Variants in NRG3 observed in about 807,000 individuals in gnomAD.
NRG3 encodes the protein neuregulin 3, also known as pro-neuregulin-3, membrane-bound isoform.
NRG3 carries 31 observed loss-of-function variants against 66.9 expected under a neutral mutation model. The observed-to-expected ratio is 0.46, with a 90% CI of 0.35 to 0.63. NRG3 has a LOEUF of 0.63. NRG3 is among the 20% of genes least tolerant of loss of function. The pLI is 0.00. For missense variants in NRG3, 910 were observed against 878.9 expected (o/e 1.04, Z -0.45); for synonymous variants, 393 against 359.4 (o/e 1.09, Z -1.06).
At position 82,845,235 on chromosome 10, in the gene NRG3, C is replaced by T. The variant is rs149683521; in HGVS notation, c.1028-20176C>T. On this transcript the variant is annotated intron_variant, in intron 3 of 8. Coordinates refer to ENST00000372141, the MANE Select transcript of NRG3 (RefSeq NM_001010848.4). The stretch of plus-strand genomic sequence containing the variant: ...ACTTCTATACATGCCAGTAGTGGTG[C>T]CTCATACAGGACTTGGCTTACTGAA... 2.5e-3 allele frequency among the ~76,000 whole-genome samples: 378 copies of T among 152,294 alleles called. 5 individuals are homozygous for T. Among genetic ancestry groups the T allele is most frequent in the African/African-American group, 8.4e-3 (351 of 41,572 alleles).
At chr10:82,808,498 TA>T (rs1347030148) in intron 3 of NRG3, among the ~76,000 whole-genome samples, 4 of 152,192 alleles carry the variant, frequency 2.6e-5, no homozygotes, top group Admixed American at 6.5e-5. Context: ...AATTTTGAGA[TA>T]TTTTTATGAT....
intron 1 of NRG3, among the ~76,000 whole-genome samples, chr10:82,103,001 C>T (rs1007777345): frequency 4.6e-5 from 7 of 152,000 alleles, no homozygotes; most frequent in Admixed American, 2.6e-4. Context: ...GAAGTACTTC[C>T]GTCAGCATTT....
intron 3 of NRG3, among the ~76,000 whole-genome samples, chr10:82,821,112 T>C (rs1168256078): frequency 2.0e-5 from 3 of 152,206 alleles, no homozygotes; most frequent in Non-Finnish European, 4.4e-5. Context: ...TGACCTTGTT[T>C]TATTTCAAGC....
chr10:82,023,196 T>C (rs564447239), intron 1 of NRG3, among the ~76,000 whole-genome samples: 1 of 152,058 alleles, frequency 6.6e-6, no homozygotes, highest in Non-Finnish European at 1.5e-5. Flanking sequence ...ATACTGATTT[T>C]TGCATGTTGA....
At chr10:82,623,672 A>G (rs1413391579) in intron 2 of NRG3, among the ~76,000 whole-genome samples, 1 of 152,196 alleles carries the variant, frequency 6.6e-6, no homozygotes, top group Non-Finnish European at 1.5e-5. Flanking sequence ...GAGGAGACAG[A>G]AATGTGCAAT....
chr10:81,998,137 A>G (rs1033398287), intron 1 of NRG3, among the ~76,000 whole-genome samples: 1 of 152,078 alleles, frequency 6.6e-6, no homozygotes. Flanking sequence ...TTGCAAGGAT[A>G]TTTTCAGTGT....
chr10:81,898,644 T>C (rs190800650), intron 1 of NRG3, among the ~76,000 whole-genome samples: 4 of 152,324 alleles, frequency 2.6e-5, no homozygotes, highest in Admixed American at 2.6e-4. Flanking sequence ...TCTTTGACCA[T>C]TAATTCCACT....
chr10:82,615,885 C>G (rs916140833), intron 2 of NRG3, among the ~76,000 whole-genome samples: 6 of 152,102 alleles, frequency 3.9e-5, no homozygotes, highest in African/African-American at 1.4e-4. Context: ...TGCTGATTAC[C>G]TGACCTTTTC....
intron 2 of NRG3, among the ~76,000 whole-genome samples, chr10:82,393,378 C>T (rs1363954504): frequency 6.6e-6 from 1 of 152,068 alleles, no homozygotes; most frequent in Non-Finnish European, 1.5e-5. Context: ...AGGAAGGAGC[C>T]CTGTGGGAAA....
At chr10:82,307,670 T>G (rs940494373) in intron 1 of NRG3, among the ~76,000 whole-genome samples, 2 of 152,106 alleles carry the variant, frequency 1.3e-5, no homozygotes, top group South Asian at 4.1e-4. Context: ...AACATTTTCT[T>G]ATTAAAATAT....
intron 1 of NRG3, among the ~76,000 whole-genome samples, chr10:82,004,955 C>G (rs1035370151): frequency 6.6e-6 from 1 of 152,204 alleles, no homozygotes; most frequent in African/African-American, 2.4e-5. Context: ...TGTTTTCTTA[C>G]GGCAGCCCTA....
At chr10:82,620,380 C>A (rs746275453) in intron 2 of NRG3, among the ~76,000 whole-genome samples, 7 of 152,030 alleles carry the variant, frequency 4.6e-5, no homozygotes, top group Non-Finnish European at 8.8e-5. Context: ...TTTTATTCAG[C>A]GAAGGAAATG....
intron 2 of NRG3, among the ~76,000 whole-genome samples, chr10:82,389,108 T>C (rs1284214720): frequency 6.6e-6 from 1 of 152,140 alleles, no homozygotes; most frequent in African/African-American, 2.4e-5. Flanking sequence ...TTCACCCCCC[T>C]AACCACAAAG....
In NRG3 at chr10:82,120,054, C is replaced by T. The variant is rs546095151; in HGVS notation, c.824-238685C>T. Among the ~76,000 whole-genome samples the T allele has an allele frequency of 7.9e-5, 12 of 152,014 alleles. 1 individual carries two copies. In the East Asian group the frequency reaches 1.2e-3, roughly 15 times the overall value. On this transcript the variant is annotated intron_variant, in intron 1 of 8. Transcript: ENST00000372141. Reference sequence around the variant, plus strand: ...AATGAAGAATTTTAATGTAAATGAACGTATTATTTTAAAGAAAGATGGATT... The same window carrying T: ...AATGAAGAATTTTAATGTAAATGAATGTATTATTTTAAAGAAAGATGGATT...
chr10:82,264,065 C>G (rs574070240), intron 1 of NRG3, among the ~76,000 whole-genome samples: 1 of 151,822 alleles, frequency 6.6e-6, no homozygotes, highest in Non-Finnish European at 1.5e-5. Flanking sequence ...TACTGGGCAA[C>G]GAAGAGAAAA....
chr10:82,361,209 A>G (rs561024510), intron 2 of NRG3, among the ~76,000 whole-genome samples: 2 of 152,344 alleles, frequency 1.3e-5, no homozygotes, highest in Non-Finnish European at 2.9e-5. Context: ...AGTTTAAGTG[A>G]AATGATGTAC....
chr10:82,048,836 A>G (rs1277866896), intron 1 of NRG3, among the ~76,000 whole-genome samples: 1 of 151,552 alleles, frequency 6.6e-6, no homozygotes, highest in Non-Finnish European at 1.5e-5. Flanking sequence ...GGATCAACAA[A>G]ATTGATAGAC....
Position 82,505,986 on chromosome 10 carries a change from G to A in NRG3, c.953+147118G>A, listed in dbSNP as rs376125672. 7.9e-5 allele frequency among the ~76,000 whole-genome samples: 12 copies of A among 152,316 alleles called. No homozygotes were observed. The East Asian group carries it at 1.5e-3, about 20-fold the overall frequency. ...TGCAAGGGCCAGGCGCGTGGCTCAC[G>A]CCTGTAATCCCAGCACTTTGGGAGG... On this transcript the variant is annotated intron_variant, in intron 2 of 8. Transcript: ENST00000372141.
chr10:82,860,599 T>C (rs987776139), intron 3 of NRG3, among the ~76,000 whole-genome samples: 3 of 152,180 alleles, frequency 2.0e-5, no homozygotes, highest in Admixed American at 2.0e-4. Flanking sequence ...TGAGATAATA[T>C]TTAAAGCAGT....
Sources: allele counts gnomAD v4.1 joint callset (sites outside exome capture counted in the v4.1 genomes callset), GRCh38; gene constraint gnomAD v4.1.1; transcripts MANE v1.5; gene names NCBI Gene and HGNC (gene_info 2026-07-23, HGNC 2026-07-21).